ADGRL2: variants seen among roughly 807,000 people sequenced by gnomAD.
The protein encoded by ADGRL2 is calcium-independent alpha-latrotoxin receptor 2.
A neutral mutation model predicts 157.4 loss-of-function variants in ADGRL2; 44 were observed. That is an observed-to-expected ratio of 0.28 (90% CI 0.22 to 0.36). The LOEUF (loss-of-function observed/expected upper bound fraction) is 0.36. Ranked by LOEUF, ADGRL2 falls within the 10% of genes least tolerant of loss-of-function variation. ADGRL2 has a pLI of 1.00. For missense variants in ADGRL2, 1,510 were observed against 1,768.9 expected, an observed-to-expected ratio of 0.85 and a Z score of 2.63; for synonymous variants, 585 against 624.7, an observed-to-expected ratio of 0.94 and a Z score of 0.95.
intron 1 of ADGRL2, chr1:81,426,899 G>T: frequency 1.5e-6 from 1 of 672,722 alleles, no homozygotes; most frequent in South Asian, 1.4e-5. Flanking sequence ...TGAAAAGTAT[G>T]GCAAGACTGA....
At chr1:81,552,605 GAAAAA>G (rs35795177) in intron 2 of ADGRL2, among the ~76,000 whole-genome samples, 2 of 103,994 alleles carry the variant, frequency 1.9e-5, no homozygotes, top group African/African-American at 3.8e-5. Flanking sequence ...ACTTTACTTA[GAAAAA>G]AAAAAAAAAA....
At chr1:81,451,120 G>C (rs77894085) in intron 2 of ADGRL2, among the ~76,000 whole-genome samples, 1,634 of 152,118 alleles carry the variant, frequency 0.011, 33 homozygotes, top group African/African-American at 0.035. Flanking sequence ...AGCCCTCACT[G>C]TCTGGAAGAT....
In ADGRL2 at chr1:81,317,773, C is replaced by CTT. The variant is rs1270318550; in HGVS notation, c.-302+11264_-302+11265insTT. On this transcript the variant is annotated intron_variant, in intron 1 of 24. Coordinates refer to the ADGRL2 transcript ENST00000370721. ...CATTTGTAAGTAGGGGGTCTGTCTG[C>CTT]ATATTTATTTATGTCTATATAGCTG... is the stretch of plus-strand genomic sequence containing the variant. Among the ~76,000 whole-genome samples, 172 of 152,170 alleles carry CTT rather than the reference C, an allele frequency of 1.1e-3. No homozygotes were observed. The East Asian group carries it at 0.03, about 26-fold the overall frequency.
chr1:81,457,282 C>T (rs954389742), intron 2 of ADGRL2, among the ~76,000 whole-genome samples: 6 of 152,104 alleles, frequency 3.9e-5, no homozygotes, highest in Admixed American at 2.0e-4. Context: ...GGTACATGAA[C>T]ATTTTCTGTT....
chr1:81,338,110 C>T (rs1251457596), intron 1 of ADGRL2, among the ~76,000 whole-genome samples: 1 of 152,172 alleles, frequency 6.6e-6, no homozygotes, highest in African/African-American at 2.4e-5. Flanking sequence ...CACCTGTAAT[C>T]CCAGCACGTT....
At chr1:81,973,851 G>C (rs1659446460) in intron 17 of ADGRL2, among the ~76,000 whole-genome samples, 1 of 152,122 alleles carries the variant, frequency 6.6e-6, no homozygotes, top group African/African-American at 2.4e-5. Flanking sequence ...GAAATTAAGA[G>C]TGGTATAGGA....
intron 2 of ADGRL2, among the ~76,000 whole-genome samples, chr1:81,568,250 T>C (rs754570660): frequency 3.9e-5 from 6 of 152,162 alleles, no homozygotes; most frequent in Admixed American, 6.6e-5. Flanking sequence ...CTGAACTTTC[T>C]TGACCTTAGC....
At chr1:81,349,771 A>G (rs1662747611) in intron 1 of ADGRL2, among the ~76,000 whole-genome samples, 1 of 152,008 alleles carries the variant, frequency 6.6e-6, no homozygotes, top group Non-Finnish European at 1.5e-5. Flanking sequence ...CCAATTTGCC[A>G]TATCAGATCA....
intron 3 of ADGRL2, among the ~76,000 whole-genome samples, chr1:81,686,577 A>G (rs1261136554): frequency 6.6e-6 from 1 of 152,146 alleles, no homozygotes; most frequent in Non-Finnish European, 1.5e-5. Flanking sequence ...TTTTCAAAGA[A>G]TCAGCTTTTT....
intron 1 of ADGRL2, among the ~76,000 whole-genome samples, chr1:81,316,170 A>G (rs12062381): frequency 0.75 from 113,218 of 151,808 alleles, 42,893 homozygotes; most frequent in African/African-American, 0.83. Flanking sequence ...AGACAAGGAG[A>G]CACCACCTTT....
At chr1:81,534,451 C>A (rs995971440) in intron 2 of ADGRL2, among the ~76,000 whole-genome samples, 1 of 152,150 alleles carries the variant, frequency 6.6e-6, no homozygotes, top group African/African-American at 2.4e-5. Flanking sequence ...CGTTAGCCAC[C>A]GCACCAGGCC....
Position 81,907,169 on chromosome 1 carries a change from C to G in ADGRL2, c.226C>G (p.Pro76Ala). 1 of 1,613,956 alleles carries G rather than the reference C, an allele frequency of 6.2e-7. No individual in the cohort carries two copies. The highest frequency in any genetic ancestry group is 8.5e-7 in the Non-Finnish European group (1 of 1,179,976). The stretch of plus-strand genomic sequence containing the variant: ...GGATGACAAGATTTGTGATGCTGAC[C>G]CATTTCAGATGGAGAATACAGACTG... The part of the protein sequence containing the change: ...RTDDKICDAD[P>A]FQMENTDCYL... Residue 76 changes from proline (P) to alanine (A), a missense_variant, in exon 3 of 24, where the codon CCA becomes GCA. Physicochemically the swap from Pro to Ala is conservative, Grantham distance 27. Coordinates refer to ENST00000686636, the MANE Select transcript of ADGRL2 (RefSeq NM_001366006.2).
At chr1:81,397,547 C>T (rs897573588) in intron 1 of ADGRL2, among the ~76,000 whole-genome samples, 1 of 152,022 alleles carries the variant, frequency 6.6e-6, no homozygotes, top group African/African-American at 2.4e-5. Context: ...TCTCGATCTC[C>T]TGACCTCGTG....
chr1:81,686,419 G>A (rs1410022674), intron 3 of ADGRL2, among the ~76,000 whole-genome samples: 10 of 152,096 alleles, frequency 6.6e-5, no homozygotes, highest in Non-Finnish European at 1.0e-4. Flanking sequence ...TAGTTTATGT[G>A]TGTAAAGGTG....
intron 1 of ADGRL2, among the ~76,000 whole-genome samples, chr1:81,403,544 C>G (rs12023646): frequency 0.44 from 66,447 of 151,670 alleles, 15,524 homozygotes; most frequent in East Asian, 0.62. Flanking sequence ...GGGATTACAG[C>G]CATGAGTCAC....
chr1:81,374,890 G>T (rs1232452749), intron 1 of ADGRL2, among the ~76,000 whole-genome samples: 2 of 152,184 alleles, frequency 1.3e-5, no homozygotes, highest in East Asian at 3.9e-4. Context: ...AGACAGTACT[G>T]AAGACACAGA....
chr1:81,633,460 G>A (rs2082052693), intron 3 of ADGRL2, among the ~76,000 whole-genome samples: 1 of 151,776 alleles, frequency 6.6e-6, no homozygotes, highest in East Asian at 1.9e-4. Context: ...GCCAGGCATG[G>A]TGGCACACAC....
intron 2 of ADGRL2, among the ~76,000 whole-genome samples, chr1:81,905,747 T>C (rs2094571438): frequency 6.6e-6 from 1 of 152,224 alleles, no homozygotes; most frequent in Non-Finnish European, 1.5e-5. Flanking sequence ...AAATTGCCTC[T>C]GTATTTAAAA....
chr1:81,681,745 A>G (rs2083119136), intron 3 of ADGRL2, among the ~76,000 whole-genome samples: 1 of 152,196 alleles, frequency 6.6e-6, no homozygotes, highest in Admixed American at 6.5e-5. Context: ...GCACCGCAAC[A>G]GCAGCAAAGC....
Sources: gnomAD v4.1 joint callset for allele counts (sites outside exome capture counted in the v4.1 genomes callset) on GRCh38, gnomAD v4.1.1 for gene constraint, MANE v1.5 for transcripts, NCBI Gene and HGNC (gene_info 2026-07-23, HGNC 2026-07-21) for gene names.